Variants in NECAB1 observed in about 807,000 individuals in gnomAD.
The protein encoded by NECAB1 is N-terminal EF-hand calcium binding protein 1.
In NECAB1, 29 loss-of-function variants were observed where a neutral mutation model predicts 57.5. The ratio of observed to expected loss-of-function variants is 0.50; its 90% confidence interval spans 0.38 to 0.69. The LOEUF is 0.69. Ranked by LOEUF, NECAB1 falls within the 30% of genes least tolerant of loss-of-function variation. NECAB1 has a pLI of 0.00. For missense variants in NECAB1, 372 were observed against 413.8 expected, an observed-to-expected ratio of 0.90 and a Z score of 0.88; for synonymous variants, 142 against 147.7, an observed-to-expected ratio of 0.96 and a Z score of 0.28.
At chr8:90,935,265 T>A (rs1810508349) in intron 9 of NECAB1, among the ~76,000 whole-genome samples, 1 of 152,172 alleles carries the variant, frequency 6.6e-6, no homozygotes, top group South Asian at 2.1e-4. Flanking sequence ...TGCCCATCTG[T>A]CCAAACTCAT....
intron 2 of NECAB1, among the ~76,000 whole-genome samples, chr8:90,823,592 G>T (rs118130283): frequency 0.024 from 3,686 of 151,808 alleles, 70 homozygotes; most frequent in Non-Finnish European, 0.032. Context: ...CCATATTTTG[G>T]GGAAACAAAA....
intron 5 of NECAB1, among the ~76,000 whole-genome samples, chr8:90,886,612 T>C (rs1255741519): frequency 6.6e-6 from 1 of 152,102 alleles, no homozygotes; most frequent in African/African-American, 2.4e-5. Flanking sequence ...TTCAAACTCC[T>C]GAGCTCAGGT....
intron 3 of NECAB1, among the ~76,000 whole-genome samples, chr8:90,830,044 G>C (rs1812279077): frequency 6.6e-6 from 1 of 152,036 alleles, no homozygotes; most frequent in African/African-American, 2.4e-5. Context: ...TCTAAAGCTT[G>C]ATGAGTTAGG....
chr8:90,842,285 C>T (rs986843153), intron 3 of NECAB1, among the ~76,000 whole-genome samples: 4 of 152,220 alleles, frequency 2.6e-5, no homozygotes, highest in African/African-American at 9.6e-5. Context: ...CCACCTTCAA[C>T]CTCAAAGGTC....
intron 1 of NECAB1, among the ~76,000 whole-genome samples, chr8:90,800,110 T>C (rs1372064666): frequency 6.6e-6 from 1 of 152,238 alleles, no homozygotes; most frequent in Non-Finnish European, 1.5e-5. Flanking sequence ...TCAGATTGAA[T>C]GCTATTGCTG....
chr8:90,798,502 A>G (rs891991714), intron 1 of NECAB1, among the ~76,000 whole-genome samples: 3 of 152,060 alleles, frequency 2.0e-5, no homozygotes, highest in African/African-American at 4.8e-5. Flanking sequence ...CTTTATGTTC[A>G]TGTGTACCCA....
At chr8:90,860,416 A>G (rs1812880199) in intron 3 of NECAB1, among the ~76,000 whole-genome samples, 1 of 151,886 alleles carries the variant, frequency 6.6e-6, no homozygotes. Flanking sequence ...CTTATTATCC[A>G]TGTCTTCAAG....
chr8:90,883,013 T>C (rs1233477653), intron 5 of NECAB1, among the ~76,000 whole-genome samples: 1 of 152,092 alleles, frequency 6.6e-6, no homozygotes, highest in East Asian at 1.9e-4. Flanking sequence ...TTGCCTCTAA[T>C]AGGAAGAAAA....
chr8:90,799,462 T>A (rs1811724788), intron 1 of NECAB1, among the ~76,000 whole-genome samples: 1 of 152,230 alleles, frequency 6.6e-6, no homozygotes, highest in Admixed American at 6.5e-5. Context: ...AAATTTTTAA[T>A]CCATCTTGAG....
intron 3 of NECAB1, among the ~76,000 whole-genome samples, chr8:90,838,402 A>G (rs778137885): frequency 2.0e-5 from 3 of 152,252 alleles, no homozygotes; most frequent in Non-Finnish European, 4.4e-5. Context: ...TATACATTTA[A>G]GAAACACTAA....
intron 2 of NECAB1, among the ~76,000 whole-genome samples, chr8:90,807,889 A>T (rs1318091502): frequency 6.6e-6 from 1 of 152,234 alleles, no homozygotes; most frequent in Non-Finnish European, 1.5e-5. Context: ...CCTAGCAATG[A>T]CCTTATTGCA....
chr8:90,828,615 T>A (rs1812259949), intron 3 of NECAB1, among the ~76,000 whole-genome samples: 1 of 152,010 alleles, frequency 6.6e-6, no homozygotes, highest in South Asian at 2.1e-4. Context: ...GAACCCTGAG[T>A]AAAAGTAAGA....
At chr8:90,923,049 C>A (rs574698543) in intron 6 of NECAB1, among the ~76,000 whole-genome samples, 1 of 152,262 alleles carries the variant, frequency 6.6e-6, no homozygotes, top group Non-Finnish European at 1.5e-5. Context: ...GAAACTGAAG[C>A]AGGCAATGTA....
chr8:90,901,378 A>G (rs1218518309), intron 5 of NECAB1, among the ~76,000 whole-genome samples: 2 of 152,194 alleles, frequency 1.3e-5, no homozygotes, highest in Non-Finnish European at 2.9e-5. Context: ...TCAAGGGCAC[A>G]GTTTTATAAT....
At chr8:90,904,101 C>G (rs1159962) in intron 5 of NECAB1, among the ~76,000 whole-genome samples, 2 of 151,912 alleles carry the variant, frequency 1.3e-5, no homozygotes, top group African/African-American at 2.4e-5. Context: ...GGCCAAATCA[C>G]TTTCCTGGGT....
At chr8:90,888,971 C>G (rs1809081847) in intron 5 of NECAB1, among the ~76,000 whole-genome samples, 1 of 152,144 alleles carries the variant, frequency 6.6e-6, no homozygotes, top group Non-Finnish European at 1.5e-5. Context: ...ATCATACTCA[C>G]TTTTTAGGAC....
intron 3 of NECAB1, among the ~76,000 whole-genome samples, chr8:90,842,348 C>A (rs117795206): frequency 9.2e-5 from 14 of 152,118 alleles, no homozygotes; most frequent in Admixed American, 5.2e-4. Context: ...ATATGCCTAA[C>A]GAAGAGATGT....
At chr8:90,833,662 G>GT (rs964111005) in intron 3 of NECAB1, among the ~76,000 whole-genome samples, 3 of 152,110 alleles carry the variant, frequency 2.0e-5, no homozygotes, top group Admixed American at 1.3e-4. Flanking sequence ...CATAAATGCA[G>GT]TTTTTTTCTT....
In NECAB1 at chr8:90,884,057, A is replaced by G. The variant is rs187812610; in HGVS notation, c.357+2927A>G. On this transcript the variant is annotated intron_variant, in intron 5 of 12. Transcript: ENST00000417640. ...AGCTAAAGTGAAGAATGGCATTCTT[A>G]AAATAATTATTTGGGGTTTGTTAGT... Among the ~76,000 whole-genome samples, 850 of 152,308 alleles carry G rather than the reference A, an allele frequency of 5.6e-3. 10 individuals are homozygous for G. Among genetic ancestry groups the G allele is most frequent in the South Asian group, 0.029 (140 of 4,818 alleles).
Sources: allele counts gnomAD v4.1 joint callset (sites outside exome capture counted in the v4.1 genomes callset), GRCh38; gene constraint gnomAD v4.1.1; transcripts MANE v1.5; gene names NCBI Gene and HGNC (gene_info 2026-07-23, HGNC 2026-07-21).